Variants in ACSL5 observed in about 807,000 individuals in gnomAD.
The protein encoded by ACSL5 is long-chain-fatty-acid--CoA ligase 5.
A neutral mutation model predicts 84.9 loss-of-function variants in ACSL5; 50 were observed. The observed-to-expected ratio is 0.59, with a 90% CI of 0.47 to 0.75. The LOEUF is 0.75. Among genes scored for constraint, ACSL5 ranks in the 30% least tolerant of loss-of-function variants. ACSL5 has a pLI of 0.00. For missense variants in ACSL5, 775 were observed against 830.4 expected (o/e 0.93, Z 0.82); for synonymous variants, 280 against 300.7 (o/e 0.93, Z 0.71).
intron 7 of ACSL5, 108 bp downstream of exon 7, chr10:112,409,793 C>T (rs184486859): frequency 5.4e-4 from 603 of 1,116,868 alleles, no homozygotes; most frequent in Non-Finnish European, 7.2e-4. Context: ...AGGGGTGGCA[C>T]GTGAGGAGTA....
chr10:112,385,631 A>G (rs1320675548), intron 1 of ACSL5, among the ~76,000 whole-genome samples: 2 of 152,214 alleles, frequency 1.3e-5, no homozygotes, highest in Non-Finnish European at 2.9e-5. Context: ...TTTTGCTGTG[A>G]ACTTTCAGCA....
chr10:112,376,344 A>G (rs766842660), intron 1 of ACSL5: 10 of 1,614,154 alleles, frequency 6.2e-6, no homozygotes, highest in Non-Finnish European at 8.5e-6. Context: ...CTCTGGAGGA[A>G]CCACGAGCGA....
intron 3 of ACSL5, among the ~76,000 whole-genome samples, chr10:112,400,412 T>TC (rs1232636356): frequency 2.6e-5 from 3 of 114,260 alleles, no homozygotes; most frequent in South Asian, 5.9e-4. Flanking sequence ...TTTTCTTTTT[T>TC]TTTTTTTTTT....
Sources: allele counts gnomAD v4.1 joint callset (sites outside exome capture counted in the v4.1 genomes callset), GRCh38; gene constraint gnomAD v4.1.1; transcripts MANE v1.5; gene names NCBI Gene and HGNC (gene_info 2026-07-23, HGNC 2026-07-21).